The following MYT1L variants were observed in gnomAD, a reference collection of about 807,000 sequenced individuals.
MYT1L encodes the protein myelin transcription factor 1-like protein.
A neutral mutation model predicts 126.7 loss-of-function variants in MYT1L; 12 were observed. That is an observed-to-expected ratio of 0.09 (90% CI 0.06 to 0.15). The LOEUF is 0.15. Ranked by LOEUF, MYT1L falls within the 10% of genes least tolerant of loss-of-function variation. The pLI, the probability that MYT1L is intolerant of heterozygous loss-of-function variation, is 1.00. For missense variants in MYT1L, 979 were observed against 1,585.2 expected (o/e 0.62, Z 6.49); for synonymous variants, 541 against 604.2 (o/e 0.90, Z 1.53).
chr2:1,901,173 A>C (rs2050291835), intron 14 of MYT1L, among the ~76,000 whole-genome samples: 1 of 152,332 alleles, frequency 6.6e-6, no homozygotes, highest in Admixed American at 6.5e-5. Context: ...TCTGCTGGTC[A>C]TGACTTCACC....
At chr2:2,215,982 G>A (rs1189348899) in intron 2 of MYT1L, among the ~76,000 whole-genome samples, 1 of 152,026 alleles carries the variant, frequency 6.6e-6, no homozygotes, top group African/African-American at 2.4e-5. Flanking sequence ...TTAAAAATGT[G>A]TGGCACCCTC....
At chr2:1,999,924 G>T (rs1473537482) in intron 4 of MYT1L, among the ~76,000 whole-genome samples, 1 of 152,206 alleles carries the variant, frequency 6.6e-6, no homozygotes. Flanking sequence ...TGCGTGTGAG[G>T]TTCTTATTAA....
chr2:2,129,964 C>T (rs2082168437), intron 3 of MYT1L, among the ~76,000 whole-genome samples: 1 of 150,190 alleles, frequency 6.7e-6, no homozygotes, highest in Admixed American at 6.6e-5. Context: ...ACATAAGAAA[C>T]AGGCCACAGA....
At chr2:2,319,827 A>T (rs1411837683) in intron 1 of MYT1L, among the ~76,000 whole-genome samples, 1 of 152,028 alleles carries the variant, frequency 6.6e-6, no homozygotes, top group Non-Finnish European at 1.5e-5. Context: ...TTTGTGGGGC[A>T]GAAATTTGTT....
Position 1,910,323 on chromosome 2 carries a change from T to C in MYT1L, c.1734A>G (p.Ala578=), listed in dbSNP as rs1307121446. 1 of 1,612,406 alleles carries C rather than the reference T, an allele frequency of 6.2e-7. No homozygotes were observed. The highest frequency in any genetic ancestry group is 8.5e-7 in the Non-Finnish European group (1 of 1,179,900). Residue 578 remains alanine (A), a synonymous_variant, in exon 13 of 25, where the codon GCA becomes GCG. Transcript: ENST00000647738. The surrounding 1 kb of genome is among the most constrained non-coding windows in gnomAD (Gnocchi z 4.8). ...CCTGTGCCTTGGCCAGTTTCTCTGC[T>C]GCAGCGATCGGGCATCCGGAGAGGC... ...HRSLSGCPIA[A]AEKLAKAQEK... is the part of the protein sequence containing the mutation.
At chr2:2,195,220 A>G (rs1194510998) in intron 2 of MYT1L, among the ~76,000 whole-genome samples, 1 of 152,230 alleles carries the variant, frequency 6.6e-6, no homozygotes, top group Non-Finnish European at 1.5e-5. Context: ...ATATCTGAAC[A>G]GAAGGTTTGT....
At chr2:2,165,119 C>T (rs1575593564) in intron 3 of MYT1L, among the ~76,000 whole-genome samples, 2 of 152,280 alleles carry the variant, frequency 1.3e-5, no homozygotes, top group South Asian at 4.1e-4. Flanking sequence ...GCTCACGGGC[C>T]TCCCCAGCCA....
intron 23 of MYT1L, among the ~76,000 whole-genome samples, chr2:1,799,256 G>A (rs2034383905): frequency 6.6e-6 from 1 of 152,242 alleles, no homozygotes; most frequent in Admixed American, 6.5e-5. Context: ...GCACAAAGGA[G>A]CCAGTGAGAA....
intron 2 of MYT1L, among the ~76,000 whole-genome samples, chr2:2,185,890 C>T (rs1161761233): frequency 1.7e-5 from 2 of 117,444 alleles, no homozygotes; most frequent in Non-Finnish European, 3.4e-5. Flanking sequence ...GTGAGGGGGA[C>T]GCAGCCGGGC....
chr2:2,275,196 A>G (rs1225716388), intron 2 of MYT1L, among the ~76,000 whole-genome samples: 1 of 132,966 alleles, frequency 7.5e-6, no homozygotes, highest in African/African-American at 2.9e-5. Context: ...AAAATATAAT[A>G]ATAAAATGTG....
intron 18 of MYT1L, among the ~76,000 whole-genome samples, chr2:1,879,730 T>C (rs2047314511): frequency 6.6e-6 from 1 of 152,174 alleles, no homozygotes; most frequent in South Asian, 2.1e-4. Context: ...TTCTTCCTTC[T>C]GTTCATGTGT....
At chr2:1,919,857 T>C (rs1315821859) in intron 10 of MYT1L, among the ~76,000 whole-genome samples, 1 of 152,094 alleles carries the variant, frequency 6.6e-6, no homozygotes, top group Non-Finnish European at 1.5e-5. Context: ...GCCTCCCGAG[T>C]AGCTGGGACT....
Position 2,045,391 on chromosome 2 carries a change from C to T in MYT1L, c.-158+8587G>A, listed in dbSNP as rs576906477. Among the ~76,000 whole-genome samples, 45 of 152,296 alleles carry T rather than the reference C, an allele frequency of 3.0e-4. No individual in the cohort carries two copies. The East Asian group carries it at 7.7e-3, about 26-fold the overall frequency. ...CCTGCAGCAGGCCTGGTGGGAGAGG[C>T]TCTGGGAGGGGTGTCCCTGCAGAGC... On this transcript the variant is annotated intron_variant, in intron 4 of 24. Transcript: ENST00000647738.
chr2:2,196,136 A>AT, intron 2 of MYT1L, among the ~76,000 whole-genome samples: 1 of 151,956 alleles, frequency 6.6e-6, no homozygotes, highest in African/African-American at 2.4e-5. Flanking sequence ...TCAGGAAAAA[A>AT]TTTTTTAAAT....
intron 3 of MYT1L, among the ~76,000 whole-genome samples, chr2:2,062,002 C>T (rs1414960628): frequency 6.6e-6 from 1 of 152,214 alleles, no homozygotes; most frequent in Admixed American, 6.5e-5. Context: ...ACGAATGCGT[C>T]TCTACCACAG....
At chr2:1,883,067 G>A (rs757536308) in intron 18 of MYT1L, among the ~76,000 whole-genome samples, 1 of 152,168 alleles carries the variant, frequency 6.6e-6, no homozygotes, top group South Asian at 2.1e-4. Context: ...GCTCACTGCC[G>A]TGATGACTCA....
intron 4 of MYT1L, among the ~76,000 whole-genome samples, chr2:2,042,902 CCTGCAGGCAGGGTCTTCCCAACA>C (rs1462843309): frequency 2.0e-5 from 3 of 152,210 alleles, no homozygotes; most frequent in Non-Finnish European, 4.4e-5. Context: ...CCTGCTCTTC[CCTGCAGGCAGGGTCTTCCCAACA>C]CTGGCTCCGG....
At chr2:1,941,744 T>C (rs957901861) in intron 9 of MYT1L, among the ~76,000 whole-genome samples, 2 of 152,202 alleles carry the variant, frequency 1.3e-5, no homozygotes, top group Non-Finnish European at 2.9e-5. Flanking sequence ...TGTGTATATA[T>C]ACATATCTAT....
At chr2:1,905,977 C>G (rs2050996280) in intron 13 of MYT1L, among the ~76,000 whole-genome samples, 1 of 152,152 alleles carries the variant, frequency 6.6e-6, no homozygotes, top group Admixed American at 6.6e-5. Flanking sequence ...AAAGGTGATG[C>G]ACACAGGCAC....
Sources: allele counts gnomAD v4.1 joint callset (sites outside exome capture counted in the v4.1 genomes callset), GRCh38; gene constraint gnomAD v4.1.1; non-coding constraint Gnocchi (gnomAD v3.1); transcripts MANE v1.5; gene names NCBI Gene and HGNC (gene_info 2026-07-23, HGNC 2026-07-21).